NTM: variants seen among roughly 807,000 people sequenced by gnomAD.
NTM encodes IgLON family member 2.
In NTM, 13 loss-of-function variants were observed where a neutral mutation model predicts 42.1. The observed-to-expected ratio is 0.31, with a 90% CI of 0.20 to 0.49. NTM has a LOEUF of 0.49. Among genes scored for constraint, NTM ranks in the 20% least tolerant of loss-of-function variants. The pLI is 0.99. For synonymous variants in NTM, 187 were observed against 179.2 expected (o/e 1.04, Z -0.35); for missense variants, 373 against 452.8 (o/e 0.82, Z 1.60).
Position 131,386,575 on chromosome 11 carries a change from G to A in NTM, c.82+15687G>A, listed in dbSNP as rs144131798. Among the ~76,000 whole-genome samples the A allele has an allele frequency of 2.5e-3, 375 of 152,318 alleles. 1 individual carries two copies. Among genetic ancestry groups the A allele is most frequent in the Non-Finnish European group, 4.5e-3 (307 of 68,024 alleles). ...TAAGCTTGGTGGCAGGAAGTTAAAG[G>A]AGTTCGCATTTGCTGGCTTTTATTT... On this transcript the variant is annotated intron_variant, in intron 1 of 8. Coordinates refer to ENST00000683400, the MANE Select transcript of NTM (RefSeq NM_001352005.2).
rs1334863664 is a variant in NTM at position 132,307,750 on chromosome 11, A to G, written c.588A>G (p.Ser196=). ...TTCAGGGCATCACCAGGGAGCAGTC[A>G]GGGGACTACGAGTGCAGTGCCTCCA... ...LEIQGITREQ[S]GDYECSASND... The change falls in exon 5 of 9, where the codon TCA becomes TCG. Residue 196 remains serine, a synonymous_variant. Coordinates refer to ENST00000683400, the MANE Select transcript of NTM (RefSeq NM_001352005.2). 1.2e-6 allele frequency: 2 copies of G among 1,614,198 alleles called. No homozygotes were observed. Among genetic ancestry groups the G allele is most frequent in the South Asian group, 1.1e-5 (1 of 91,086 alleles).
rs139469272 is a variant in NTM, at chr11:131,704,194, G to A, written c.83-207370G>A. Among the ~76,000 whole-genome samples the A allele has an allele frequency of 8.5e-5, 13 of 152,286 alleles. 1 individual carries two copies. Among genetic ancestry groups the A allele is most frequent in the South Asian group, 8.3e-4 (4 of 4,826 alleles). On this transcript the variant is annotated intron_variant, in intron 1 of 8. Transcript: ENST00000683400. Reference sequence around the variant, plus strand: ...CTCTAGGTTCATCTCCATAGACCCAGTCTCCAGGCCCATACCAGGGGACCC... The same window carrying A: ...CTCTAGGTTCATCTCCATAGACCCAATCTCCAGGCCCATACCAGGGGACCC...
At chr11:131,589,485 C>T (rs1306938622) in intron 1 of NTM, among the ~76,000 whole-genome samples, 1 of 152,174 alleles carries the variant, frequency 6.6e-6, no homozygotes, top group Non-Finnish European at 1.5e-5. Flanking sequence ...CAGGGCTTCC[C>T]ACAGGAGCTT....
chr11:132,010,645 C>G (rs2071962700), intron 2 of NTM, among the ~76,000 whole-genome samples: 1 of 143,128 alleles, frequency 7.0e-6, no homozygotes, highest in Admixed American at 7.1e-5. Context: ...TTCTCTTCTG[C>G]TAGGCTCTAA....
At chr11:132,248,042 T>C (rs1485571633) in intron 4 of NTM, among the ~76,000 whole-genome samples, 1 of 118,034 alleles carries the variant, frequency 8.5e-6, no homozygotes, top group Non-Finnish European at 2.0e-5. Context: ...CATCCAAACA[T>C]GGGAGAAAAT....
intron 1 of NTM, among the ~76,000 whole-genome samples, chr11:131,709,899 A>G (rs1006473142): frequency 1.3e-5 from 2 of 152,178 alleles, no homozygotes; most frequent in Non-Finnish European, 2.9e-5. Flanking sequence ...TCGTGATGGA[A>G]GGAAAAAATA....
chr11:131,727,542 A>G (rs909163656), intron 1 of NTM, among the ~76,000 whole-genome samples: 1 of 152,166 alleles, frequency 6.6e-6, no homozygotes, highest in Non-Finnish European at 1.5e-5. Context: ...CCAATATGCC[A>G]GGAAAGGAGT....
At chr11:131,989,688 G>A (rs2066673304) in intron 2 of NTM, among the ~76,000 whole-genome samples, 1 of 150,760 alleles carries the variant, frequency 6.6e-6, no homozygotes, top group Non-Finnish European at 1.5e-5. Context: ...ACAAAGGTGA[G>A]TTATATACAC....
intron 1 of NTM, among the ~76,000 whole-genome samples, chr11:131,630,420 T>G (rs1473436408): frequency 2.0e-5 from 3 of 151,300 alleles, no homozygotes; most frequent in African/African-American, 7.3e-5. Context: ...CTTGGAAATA[T>G]TCAAGTTTGC....
intron 1 of NTM, among the ~76,000 whole-genome samples, chr11:131,617,552 C>A (rs550404324): frequency 2.0e-5 from 3 of 152,042 alleles, no homozygotes; most frequent in African/African-American, 4.8e-5. Flanking sequence ...ATGAGGCAAG[C>A]GTGTGCTCAA....
At chr11:131,881,573 C>G (rs192913864) in intron 1 of NTM, among the ~76,000 whole-genome samples, 99 of 151,396 alleles carry the variant, frequency 6.5e-4, no homozygotes, top group African/African-American at 2.3e-3. Flanking sequence ...CAAAACACAG[C>G]GGAAAAAGTG....
chr11:131,570,468 A>G (rs1216053334), intron 1 of NTM, among the ~76,000 whole-genome samples: 2 of 152,226 alleles, frequency 1.3e-5, no homozygotes, highest in Non-Finnish European at 2.9e-5. Context: ...AAAAGGAGTG[A>G]CTTAGTAGAT....
At chr11:132,263,299 T>G (rs1021157214) in intron 4 of NTM, among the ~76,000 whole-genome samples, 3 of 152,248 alleles carry the variant, frequency 2.0e-5, no homozygotes, top group African/African-American at 7.2e-5. Context: ...TGGTGATCTC[T>G]GAATCACTTT....
chr11:131,558,791 C>T (rs1008520941), intron 1 of NTM, among the ~76,000 whole-genome samples: 2 of 152,152 alleles, frequency 1.3e-5, no homozygotes, highest in Admixed American at 6.5e-5. Flanking sequence ...CCATCCCCTA[C>T]CCTCGCTGGA....
At chr11:131,859,960 G>A (rs1022369195) in intron 1 of NTM, among the ~76,000 whole-genome samples, 1 of 151,228 alleles carries the variant, frequency 6.6e-6, no homozygotes, top group African/African-American at 2.4e-5. Flanking sequence ...CTCCCCCTTT[G>A]TCTGGAGGTT....
rs1321727161 is a variant in NTM, at chr11:131,763,707, C to T, written c.83-147857C>T. ...TTCTTATCCACAGGCCCATCTCTCT[C>T]TCTTTTTTTTTTTTTTTTTTTTTTT... On this transcript the variant is annotated intron_variant, in intron 1 of 8. Coordinates refer to ENST00000683400, the MANE Select transcript of NTM (RefSeq NM_001352005.2). Among the ~76,000 whole-genome samples the T allele has an allele frequency of 3.0e-4, 18 of 60,788 alleles. 2 individuals carry two copies. The East Asian group carries it at 4.5e-3, about 15-fold the overall frequency. 39.9% of individuals were successfully genotyped at this position (60,788 alleles called of 152,430 possible). A position where few individuals can be genotyped will look rare whatever the true frequency, so the allele number is the denominator to read the frequency against.
At position 131,978,612 on chromosome 11, in the gene NTM, G is replaced by A. The variant is rs906813645; in HGVS notation, c.167+66964G>A. 2.6e-5 allele frequency among the ~76,000 whole-genome samples: 4 copies of A among 151,890 alleles called. No homozygotes were observed. The South Asian group carries it at 6.3e-4, about 24-fold the overall frequency. Reference sequence around the variant, plus strand: ...TTCCCTATTGCCTATGACTGTTCCCGAGGCTCCCGCAGCAGTAACCTAAGG... The same window carrying A: ...TTCCCTATTGCCTATGACTGTTCCCAAGGCTCCCGCAGCAGTAACCTAAGG... On this transcript the variant is annotated intron_variant, in intron 2 of 8. Transcript: ENST00000683400.
At chr11:131,939,754 C>A (rs1038065989) in intron 2 of NTM, among the ~76,000 whole-genome samples, 9 of 152,284 alleles carry the variant, frequency 5.9e-5, no homozygotes, top group Admixed American at 5.2e-4. Context: ...CAGTTGAGAG[C>A]ATGAGGAATT....
intron 1 of NTM, among the ~76,000 whole-genome samples, chr11:131,542,187 C>T (rs1034019413): frequency 6.6e-6 from 1 of 152,192 alleles, no homozygotes; most frequent in African/African-American, 2.4e-5. Flanking sequence ...AATGAGCCCA[C>T]AGGGGATGGA....
Sources: allele counts gnomAD v4.1 joint callset (sites outside exome capture counted in the v4.1 genomes callset), GRCh38; gene constraint gnomAD v4.1.1; transcripts MANE v1.5; gene names NCBI Gene and HGNC (gene_info 2026-07-23, HGNC 2026-07-21).